Variants in SDHAF2 observed in about 807,000 individuals in gnomAD.
SDHAF2 encodes the protein succinate dehydrogenase complex assembly factor 2, also known as succinate dehydrogenase assembly factor 2, mitochondrial.
A neutral mutation model predicts 18.5 loss-of-function variants in SDHAF2; 21 were observed. That is an observed-to-expected ratio of 1.13 (90% CI 0.80 to 1.63). The LOEUF is 1.63. Ranked by LOEUF, SDHAF2 falls within the 40% of genes most tolerant of loss-of-function variation. The pLI is 0.00. For synonymous variants in SDHAF2, 84 were observed against 70.7 expected, an observed-to-expected ratio of 1.19 and a Z score of -0.94; for missense variants, 195 against 200.3, an observed-to-expected ratio of 0.97 and a Z score of 0.16.
At chr11:61,440,343 T>C (rs1251970227) in intron 3 of SDHAF2, among the ~76,000 whole-genome samples, 1 of 150,984 alleles carries the variant, frequency 6.6e-6, no homozygotes, top group East Asian at 2.0e-4. Flanking sequence ...TCAACACCTG[T>C]AATCCCAGCA....
intron 3 of SDHAF2, among the ~76,000 whole-genome samples, chr11:61,440,749 T>C (rs1289707250): frequency 6.6e-6 from 1 of 152,182 alleles, no homozygotes; most frequent in East Asian, 1.9e-4. Context: ...TCATAACTAC[T>C]CACCTCGACC....
chr11:61,440,828 T>G (rs1484697690), intron 3 of SDHAF2, among the ~76,000 whole-genome samples: 4 of 152,194 alleles, frequency 2.6e-5, no homozygotes, highest in African/African-American at 9.7e-5. Context: ...AAACCTTATT[T>G]GTGGACACTG....
At chr11:61,439,858 T>G (rs749815253) in intron 3 of SDHAF2, among the ~76,000 whole-genome samples, 1 of 152,232 alleles carries the variant, frequency 6.6e-6, no homozygotes, top group South Asian at 2.1e-4. Context: ...TGAGGGACAT[T>G]AGGATTATTT....
intron 1 of SDHAF2, chr11:61,433,600 A>G (rs1322557706): frequency 6.6e-6 from 1 of 152,348 alleles, no homozygotes; most frequent in Non-Finnish European, 1.5e-5. Flanking sequence ...CCCTGCCTTC[A>G]GTCTGCATCA....
At chr11:61,441,462 A>G (rs549146031) in intron 3 of SDHAF2, among the ~76,000 whole-genome samples, 2 of 151,386 alleles carry the variant, frequency 1.3e-5, no homozygotes, top group African/African-American at 2.4e-5. Context: ...CGGAGGTTGC[A>G]GTAAGCCGAG....
chr11:61,440,208 G>C (rs1291291006), intron 3 of SDHAF2, among the ~76,000 whole-genome samples: 1 of 152,176 alleles, frequency 6.6e-6, no homozygotes, highest in Non-Finnish European at 1.5e-5. Flanking sequence ...TGGAGGCTGA[G>C]GCAAGAGAAT....
At chr11:61,440,643 A>T in intron 3 of SDHAF2, among the ~76,000 whole-genome samples, 2 of 152,294 alleles carry the variant, frequency 1.3e-5, no homozygotes, top group South Asian at 4.1e-4. Flanking sequence ...TTTCTGTAAT[A>T]GGTAAATATA....
At chr11:61,430,224 C>G (rs772508981) in intron 1 of SDHAF2, 42 bp downstream of exon 1, 2 of 1,612,908 alleles carry the variant, frequency 1.2e-6, no homozygotes, top group Non-Finnish European at 1.7e-6. Context: ...CGGGCGGCAG[C>G]GGGGATTACC....
At chr11:61,430,578 G>T in intron 1 of SDHAF2, 1 of 297,550 alleles carries the variant, frequency 3.4e-6, no homozygotes, top group East Asian at 7.0e-5. Context: ...GTGTTTATGG[G>T]GGTACAGTAT....
chr11:61,446,003 A>G lies in SDHAF2; in HGVS notation c.433A>G (p.Lys145Glu), dbSNP rs1327640250. ...EVMALLRDFAKNKNKEQRLRA... is the reference protein window; with the variant it reads ...EVMALLRDFAENKNKEQRLRA... ...CATGGCCCTGCTGAGAGACTTTGCTAAAAACAAAAACAAAGAGCAGAGACT... is the reference window on the plus strand; with the variant it reads ...CATGGCCCTGCTGAGAGACTTTGCTGAAAACAAAAACAAAGAGCAGAGACT... The change falls in exon 4 of 4, where the codon AAA becomes GAA. Residue 145 changes from lysine (K) to glutamate (E), a missense_variant. Coordinates refer to ENST00000301761, the MANE Select transcript of SDHAF2 (RefSeq NM_017841.4). 1 of 1,614,188 alleles carries G rather than the reference A, an allele frequency of 6.2e-7. No individual in the cohort carries two copies. Among genetic ancestry groups the G allele is most frequent in the Non-Finnish European group, 8.5e-7 (1 of 1,180,010 alleles).
chr11:61,430,224 C>T (rs772508981), intron 1 of SDHAF2, 42 bp downstream of exon 1: 13 of 1,612,790 alleles, frequency 8.1e-6, no homozygotes, highest in African/African-American at 1.3e-5. Context: ...CGGGCGGCAG[C>T]GGGGATTACC....
rs1269082376 is a variant in SDHAF2 at position 61,437,811 on chromosome 11, A to G, written c.223A>G (p.Arg75Gly). 5 of 1,614,080 alleles carry G rather than the reference A, an allele frequency of 3.1e-6. No homozygotes were observed. The highest frequency in any genetic ancestry group is 1.7e-4 in the Middle Eastern group (1 of 6,050). The change falls in exon 2 of 4, where the codon AGA (arginine) becomes GGA (glycine). Residue 75 changes from arginine to glycine, a missense_variant. Transcript: ENST00000301761. The part of the protein sequence containing the change: ...TKRARLLYES[R>G]KRGMLENCIL... ...AAGAGCCCGCCTGCTCTATGAGAGCAGAAAGAGGGGAATGTTGGAAAACTG... is the reference window on the plus strand; with the variant it reads ...AAGAGCCCGCCTGCTCTATGAGAGCGGAAAGAGGGGAATGTTGGAAAACTG...
intron 2 of SDHAF2, 68 bp from the exon 3 acceptor site, chr11:61,437,936 G>T (rs1382162621): frequency 2.6e-6 from 4 of 1,558,590 alleles, no homozygotes; most frequent in Non-Finnish European, 3.5e-6. Flanking sequence ...AGGAGTCTTG[G>T]TGTCACTTCT....
intron 1 of SDHAF2, chr11:61,430,455 A>T: frequency 1.8e-6 from 1 of 550,448 alleles, no homozygotes; most frequent in Non-Finnish European, 3.2e-6. Flanking sequence ...AGGCGGGATT[A>T]GCCCAACTTC....
At chr11:61,444,221 C>G (rs980324111) in intron 3 of SDHAF2, 4 of 152,284 alleles carry the variant, frequency 2.6e-5, no homozygotes, top group Non-Finnish European at 5.9e-5. Context: ...GGCTGCAGTG[C>G]TCTATACCAA....
chr11:61,446,375 A>G lies in SDHAF2; in HGVS notation c.*304A>G, dbSNP rs1862138609. On this transcript the variant is annotated 3_prime_UTR_variant, in exon 4 of 4. Transcript: ENST00000301761. ...TGCCACGAGAGGGCACTGCAGGCGA[A>G]GCAGTTGTGCTTGCTCATTGCCTCA... 1 of 598,640 alleles carries G rather than the reference A, an allele frequency of 1.7e-6. No homozygotes were observed. The highest frequency in any genetic ancestry group is 3.0e-6 in the Non-Finnish European group (1 of 336,508). The allele number at this position is 598,640 out of a possible 1,614,324, so 37.1% of individuals were successfully genotyped here. A position where few individuals can be genotyped will look rare whatever the true frequency, so the allele number is the denominator to read the frequency against.
intron 3 of SDHAF2, 142 bp from the exon 4 acceptor site, chr11:61,445,799 C>A: frequency 9.8e-7 from 1 of 1,019,964 alleles, no homozygotes; most frequent in Admixed American, 1.9e-5. Flanking sequence ...TATAGGCTAA[C>A]ATCGTGTATA....
At chr11:61,436,448 A>G (rs1861994877) in intron 1 of SDHAF2, among the ~76,000 whole-genome samples, 2 of 152,186 alleles carry the variant, frequency 1.3e-5, no homozygotes, top group Non-Finnish European at 2.9e-5. Context: ...TTGCCAGTCT[A>G]AACTGTCACC....
intron 3 of SDHAF2, among the ~76,000 whole-genome samples, chr11:61,442,274 C>G (rs138546865): frequency 9.1e-4 from 138 of 152,326 alleles, no homozygotes; most frequent in African/African-American, 3.2e-3. Context: ...AATAGAAACA[C>G]TTCTACCGCC....
Sources: gnomAD v4.1 joint callset for allele counts (sites outside exome capture counted in the v4.1 genomes callset) on GRCh38, gnomAD v4.1.1 for gene constraint, MANE v1.5 for transcripts, NCBI Gene and HGNC (gene_info 2026-07-23, HGNC 2026-07-21) for gene names.